MRPL48: variants seen among roughly 807,000 people sequenced by gnomAD.
MRPL48 encodes the protein large ribosomal subunit protein mL48.
In MRPL48, 16 loss-of-function variants were observed where a neutral mutation model predicts 32.9. The ratio of observed to expected loss-of-function variants is 0.49; its 90% CI spans 0.33 to 0.74. MRPL48 has a LOEUF of 0.74. Ranked by LOEUF, MRPL48 falls within the 30% of genes least tolerant of loss-of-function variation. MRPL48 has a pLI of 0.02. For missense variants in MRPL48, 206 were observed against 245.3 expected, an observed-to-expected ratio of 0.84 and a Z score of 1.07; for synonymous variants, 94 against 89.2, an observed-to-expected ratio of 1.05 and a Z score of -0.31.
At chr11:73,853,816 G>C (rs1276945988) in intron 5 of MRPL48, among the ~76,000 whole-genome samples, 1 of 147,290 alleles carries the variant, frequency 6.8e-6, no homozygotes, top group Non-Finnish European at 1.5e-5. Flanking sequence ...TCAGCCTCCC[G>C]AGTAGCTGGG....
intron 3 of MRPL48, among the ~76,000 whole-genome samples, chr11:73,821,668 C>A (rs1947785222): frequency 6.6e-6 from 1 of 152,180 alleles, no homozygotes; most frequent in Admixed American, 6.5e-5. Context: ...TTATCATAGA[C>A]AGCCCTTATC....
chr11:73,834,270 G>C (rs1450561136), intron 4 of MRPL48, among the ~76,000 whole-genome samples: 2 of 152,162 alleles, frequency 1.3e-5, no homozygotes, highest in African/African-American at 4.8e-5. Flanking sequence ...ATAATAGAGA[G>C]ACCTACAATA....
intron 1 of MRPL48, among the ~76,000 whole-genome samples, chr11:73,788,768 T>A (rs1453506249): frequency 1.3e-5 from 2 of 152,068 alleles, no homozygotes; most frequent in Non-Finnish European, 2.9e-5. Flanking sequence ...CACCGCGCCC[T>A]GCAATAATTA....
chr11:73,839,325 G>A (rs1948152240), intron 4 of MRPL48, among the ~76,000 whole-genome samples: 1 of 152,102 alleles, frequency 6.6e-6, no homozygotes, highest in East Asian at 1.9e-4. Flanking sequence ...CTATTAGATG[G>A]GGTGACTTAA....
In MRPL48 at chr11:73,805,049, C is replaced by T. The variant is rs115268961; in HGVS notation, c.44C>T (p.Thr15Ile). ...LEKVLCLRNN[T>I]IFKQAFSLLR... ...TAGGTGCTGTGCCTGAGGAACAATA[C>T]CATTTTTAAGCAAGCCTTTTCTCTC... The change falls in exon 2 of 8, where the codon ACC becomes ATC. Residue 15 changes from threonine to isoleucine, a missense_variant. Physicochemically the swap from Thr to Ile is moderately conservative, Grantham distance 89 (BLOSUM62 -1). Transcript: ENST00000310614. 2.3e-4 allele frequency: 362 copies of T among 1,589,178 alleles called. 1 individual carries two copies. In the African/African-American group the frequency reaches 3.2e-3, roughly 14 times the overall value.
chr11:73,847,336 G>C (rs1310645577), intron 5 of MRPL48, among the ~76,000 whole-genome samples: 1 of 152,018 alleles, frequency 6.6e-6, no homozygotes, highest in Non-Finnish European at 1.5e-5. Context: ...TTTGTCATCT[G>C]TGTATCTTCC....
In MRPL48 at chr11:73,855,730, C is replaced by T. The variant is rs187590205; in HGVS notation, c.372-4177C>T. Among the ~76,000 whole-genome samples, 1,153 of 152,298 alleles carry T rather than the reference C, an allele frequency of 7.6e-3. 17 individuals carry two copies. Among genetic ancestry groups the T allele is most frequent in the Middle Eastern group, 0.024 (7 of 294 alleles). On this transcript the variant is annotated intron_variant, in intron 5 of 7. Transcript: ENST00000310614. Reference sequence around the variant, plus strand: ...CTTGAGCTCCTGACCTCGTGATCCACCTGCCTCGGCCTCCCAAAGTGCTGG... The same window carrying T: ...CTTGAGCTCCTGACCTCGTGATCCATCTGCCTCGGCCTCCCAAAGTGCTGG...
chr11:73,843,659 G>C (rs963440291), intron 4 of MRPL48, among the ~76,000 whole-genome samples: 1 of 152,200 alleles, frequency 6.6e-6, no homozygotes, highest in African/African-American at 2.4e-5. Flanking sequence ...GACAATTGTA[G>C]AATTTCGAGC....
intron 5 of MRPL48, among the ~76,000 whole-genome samples, chr11:73,852,044 CAT>C (rs763545417): frequency 3.3e-5 from 5 of 151,948 alleles, no homozygotes; most frequent in Admixed American, 6.6e-5. Flanking sequence ...GGCAGAGTAA[CAT>C]AGTAATTTAG....
chr11:73,807,379 T>G (rs1947472114), intron 2 of MRPL48, among the ~76,000 whole-genome samples: 1 of 131,580 alleles, frequency 7.6e-6, no homozygotes, highest in South Asian at 2.5e-4. Context: ...TTTATTTCCC[T>G]TCCATCTTCT....
chr11:73,812,596 A>G (rs754886485), intron 3 of MRPL48, among the ~76,000 whole-genome samples: 70 of 151,980 alleles, frequency 4.6e-4, no homozygotes, highest in Non-Finnish European at 8.2e-4. Context: ...AGCTACATGG[A>G]AAGCTGAAGT....
chr11:73,827,070 C>T (rs1344947845), intron 4 of MRPL48, among the ~76,000 whole-genome samples: 1 of 152,066 alleles, frequency 6.6e-6, no homozygotes, highest in Non-Finnish European at 1.5e-5. Flanking sequence ...GCCACCAAGC[C>T]TGGCCTCTTA....
chr11:73,791,819 A>G (rs536078446), intron 1 of MRPL48, among the ~76,000 whole-genome samples: 1 of 152,324 alleles, frequency 6.6e-6, no homozygotes, highest in Admixed American at 6.5e-5. Context: ...ACAAATGTTG[A>G]TATTACCTGG....
intron 3 of MRPL48, among the ~76,000 whole-genome samples, chr11:73,811,736 A>C (rs903903158): frequency 4.6e-5 from 7 of 152,198 alleles, no homozygotes; most frequent in Admixed American, 4.6e-4. Context: ...GGTTGGTGCA[A>C]AAGTAAAAAT....
At chr11:73,807,015 G>A (rs1021669108) in intron 2 of MRPL48, among the ~76,000 whole-genome samples, 3 of 151,870 alleles carry the variant, frequency 2.0e-5, no homozygotes, top group Admixed American at 6.6e-5. Flanking sequence ...GGTTACAGGC[G>A]CCCACCACCA....
intron 3 of MRPL48, among the ~76,000 whole-genome samples, chr11:73,823,981 G>A (rs1295317447): frequency 1.3e-5 from 2 of 151,642 alleles, no homozygotes; most frequent in African/African-American, 4.8e-5. Flanking sequence ...TTAGCCTCCT[G>A]AGTAACTGGG....
At chr11:73,861,375 T>C (rs1948582144) in intron 6 of MRPL48, among the ~76,000 whole-genome samples, 1 of 152,004 alleles carries the variant, frequency 6.6e-6, no homozygotes, top group African/African-American at 2.4e-5. Flanking sequence ...TTTGTTTGTT[T>C]GTTTGTTTTT....
chr11:73,816,235 G>T (rs1947668387), intron 3 of MRPL48, among the ~76,000 whole-genome samples: 2 of 149,510 alleles, frequency 1.3e-5, no homozygotes, highest in Admixed American at 1.3e-4. Flanking sequence ...CTAATTTTTT[G>T]TATTTTTAGT....
At chr11:73,799,383 T>C (rs1947315344) in intron 1 of MRPL48, among the ~76,000 whole-genome samples, 1 of 152,026 alleles carries the variant, frequency 6.6e-6, no homozygotes, top group African/African-American at 2.4e-5. Flanking sequence ...TAGATCAAGG[T>C]GTTGTTCATC....
Sources: allele counts gnomAD v4.1 joint callset (sites outside exome capture counted in the v4.1 genomes callset), GRCh38; gene constraint gnomAD v4.1.1; transcripts MANE v1.5; gene names NCBI Gene and HGNC (gene_info 2026-07-23, HGNC 2026-07-21).